CORO2A: variants seen among roughly 807,000 people sequenced by gnomAD.
The protein encoded by CORO2A is coronin-2A.
Under a neutral mutation model 62.4 loss-of-function variants are expected in CORO2A, and 47 were observed. That is an observed-to-expected ratio of 0.75 (90% CI 0.60 to 0.96). CORO2A has a LOEUF of 0.96. Ranked by LOEUF, CORO2A falls within the 40% of genes least tolerant of loss-of-function variation. CORO2A has a pLI of 0.00. For missense variants in CORO2A, 610 were observed against 684.1 expected (o/e 0.89, Z 1.21); for synonymous variants, 273 against 268.9 (o/e 1.02, Z -0.15).
chr9:98,157,343 A>G (rs368947037), intron 2 of CORO2A, 117 bp downstream of exon 2: 6 of 886,832 alleles, frequency 6.8e-6, no homozygotes, highest in African/African-American at 6.7e-5. Context: ...GACTTACTCA[A>G]GGTCACACAG....
At chr9:98,134,488 A>G (rs137881539) in intron 4 of CORO2A, among the ~76,000 whole-genome samples, 115 of 152,316 alleles carry the variant, frequency 7.6e-4, no homozygotes, top group African/African-American at 2.7e-3. Context: ...TGAGATCATA[A>G]TGGATTAGGT....
At chr9:98,128,804 C>A in intron 8 of CORO2A, 85 bp from the exon 9 acceptor site, 1 of 1,040,700 alleles carries the variant, frequency 9.6e-7, no homozygotes. Context: ...ACACCTGGAC[C>A]TGAACAGAGA....
At chr9:98,170,686 GC>G (rs763094880) in intron 1 of CORO2A, among the ~76,000 whole-genome samples, 6 of 152,128 alleles carry the variant, frequency 3.9e-5, no homozygotes, top group Non-Finnish European at 7.4e-5. Flanking sequence ...TCAGGTATCT[GC>G]CCACCTTGGC....
chr9:98,128,285 G>C, intron 9 of CORO2A, 25 bp from the exon 10 acceptor site: 1 of 1,589,968 alleles, frequency 6.3e-7, no homozygotes. Flanking sequence ...CAGACAGTGA[G>C]GAGGGTGGTA....
At chr9:98,176,707 A>G (rs60626374) in intron 1 of CORO2A, among the ~76,000 whole-genome samples, 9,298 of 152,162 alleles carry the variant, frequency 0.061, 425 homozygotes, top group Admixed American at 0.14. Context: ...AACTCTGCAG[A>G]TGGGGGCTGA....
intron 1 of CORO2A, among the ~76,000 whole-genome samples, chr9:98,191,089 A>G (rs7034547): frequency 0.24 from 35,859 of 152,194 alleles, 4,324 homozygotes; most frequent in African/African-American, 0.25. Flanking sequence ...CCCTGGGTGC[A>G]GGGCAGGTCA....
intron 2 of CORO2A, among the ~76,000 whole-genome samples, chr9:98,150,435 G>GCC (rs1284255756): frequency 0.013 from 1,916 of 152,236 alleles, 34 homozygotes; most frequent in East Asian, 0.041. Flanking sequence ...TCAGGGGAAT[G>GCC]TTTGCATGTT....
At chr9:98,148,254 G>A (rs892630187) in intron 2 of CORO2A, among the ~76,000 whole-genome samples, 3 of 151,770 alleles carry the variant, frequency 2.0e-5, no homozygotes, top group Non-Finnish European at 4.4e-5. Context: ...AACTAGCCAG[G>A]TGTGGTGGCA....
chr9:98,128,736 AG>A lies in CORO2A; in HGVS notation c.968-18del, dbSNP rs749492230. The stretch of plus-strand genomic sequence containing the variant: ...GCATGACACCTGAAGGCAGACAGGG[AG>A]GGCCAAGAGGTTCTGGCTAGGCTGG... On this transcript the variant is annotated intron_variant, in intron 8 of 11. Coordinates refer to ENST00000375077, the MANE Select transcript of CORO2A (RefSeq NM_052820.4). 4 of 1,608,096 alleles carry A rather than the reference AG, an allele frequency of 2.5e-6. No individual in the cohort carries two copies. In the South Asian group the frequency reaches 4.4e-5, roughly 18 times the overall value.
intron 2 of CORO2A, 84 bp downstream of exon 2, chr9:98,157,376 C>A: frequency 7.4e-7 from 1 of 1,350,254 alleles, no homozygotes; most frequent in Non-Finnish European, 1.0e-6. Flanking sequence ...AGGGCTAGGA[C>A]TTTCTAGAAA....
At chr9:98,129,052 C>T (rs560338413) in intron 8 of CORO2A, among the ~76,000 whole-genome samples, 1 of 152,152 alleles carries the variant, frequency 6.6e-6, no homozygotes, top group Non-Finnish European at 1.5e-5. Context: ...CCTGCCTTAG[C>T]GTCCCAAGTA....
At chr9:98,154,323 T>TTGTGTG (rs66488824) in intron 2 of CORO2A, among the ~76,000 whole-genome samples, 53 of 102,116 alleles carry the variant, frequency 5.2e-4, no homozygotes, top group African/African-American at 1.8e-3. Context: ...TCTTATGTGT[T>TTGTGTG]TGTGTGTATA....
chr9:98,187,338 A>C (rs1225549171), intron 1 of CORO2A, among the ~76,000 whole-genome samples: 2 of 151,140 alleles, frequency 1.3e-5, no homozygotes, highest in East Asian at 3.9e-4. Flanking sequence ...GGATACCTAT[A>C]ATCCCAGCTA....
At chr9:98,126,264 G>C (rs1283769183) in intron 11 of CORO2A, among the ~76,000 whole-genome samples, 1 of 149,952 alleles carries the variant, frequency 6.7e-6, no homozygotes, top group Non-Finnish European at 1.5e-5. Context: ...TTGAACTCCT[G>C]ACCTCATGAT....
At chr9:98,171,972 C>A (rs72603683) in intron 1 of CORO2A, among the ~76,000 whole-genome samples, 15,131 of 152,052 alleles carry the variant, frequency 0.1, 885 homozygotes, top group Middle Eastern at 0.14. Context: ...GATTTCTTTC[C>A]TCAACTTTGG....
At position 98,154,699 on chromosome 9, in the gene CORO2A, T is replaced by C. The variant is rs552894942; in HGVS notation, c.201+2761A>G. Among the ~76,000 whole-genome samples the C allele has an allele frequency of 9.8e-5, 15 of 152,322 alleles. No homozygotes were observed. In the South Asian group the frequency reaches 3.1e-3, roughly 32 times the overall value. On this transcript the variant is annotated intron_variant, in intron 2 of 11. Transcript: ENST00000375077. ...TTAATTTAAGGTTAATTAAATGATA[T>C]AGTTTAAAATTTGTTTGGCTTATTT...
At chr9:98,153,628 T>C (rs1827757817) in intron 2 of CORO2A, among the ~76,000 whole-genome samples, 1 of 150,210 alleles carries the variant, frequency 6.7e-6, no homozygotes, top group Non-Finnish European at 1.5e-5. Context: ...AGGCTATATG[T>C]CTGTAACTTC....
intron 1 of CORO2A, among the ~76,000 whole-genome samples, chr9:98,176,296 T>C (rs1216357290): frequency 6.6e-6 from 1 of 152,134 alleles, no homozygotes; most frequent in Non-Finnish European, 1.5e-5. Context: ...CCAAATCATA[T>C]TACATCTAGG....
intron 1 of CORO2A, among the ~76,000 whole-genome samples, chr9:98,183,403 G>A (rs1007190777): frequency 2.6e-5 from 4 of 152,152 alleles, no homozygotes; most frequent in Non-Finnish European, 4.4e-5. Context: ...CAACTGTTCC[G>A]AAGGCCAGCA....
Sources: allele counts gnomAD v4.1 joint callset (sites outside exome capture counted in the v4.1 genomes callset), GRCh38; gene constraint gnomAD v4.1.1; transcripts MANE v1.5; gene names NCBI Gene and HGNC (gene_info 2026-07-23, HGNC 2026-07-21).